GLDC: variants seen among roughly 807,000 people sequenced by gnomAD.
GLDC encodes glycine decarboxylase, also known as glycine dehydrogenase (decarboxylating), mitochondrial.
Under a neutral mutation model 121.3 loss-of-function variants are expected in GLDC, and 104 were observed. That is an observed-to-expected ratio of 0.86 (90% CI 0.73 to 1.01). The LOEUF (loss-of-function observed/expected upper bound fraction) is 1.01, where lower values mean the gene tolerates loss of function less well. Ranked by LOEUF, GLDC falls within the 50% of genes least tolerant of loss-of-function variation. GLDC has a pLI of 0.00. For missense variants in GLDC, 1,429 were observed against 1,306.6 expected (o/e 1.09, Z -1.44); for synonymous variants, 546 against 480.6 (o/e 1.14, Z -1.78).
intron 1 of GLDC, 59 bp downstream of exon 1, chr9:6,645,186 C>T (rs529234979): frequency 1.3e-6 from 2 of 1,485,764 alleles, no homozygotes; most frequent in East Asian, 2.6e-5. Flanking sequence ...GGAGGCCGCG[C>T]AGGCAGAGCC....
chr9:6,595,172 G>A (rs970779043), intron 8 of GLDC, 53 bp from the exon 9 acceptor site: 1 of 1,149,340 alleles, frequency 8.7e-7, no homozygotes, highest in African/African-American at 1.5e-5. Flanking sequence ...ATTAGTGGGA[G>A]GGTGTAATTA....
At chr9:6,552,330 C>T (rs1348329814) in intron 20 of GLDC, among the ~76,000 whole-genome samples, 2 of 152,194 alleles carry the variant, frequency 1.3e-5, no homozygotes, top group Non-Finnish European at 2.9e-5. Context: ...GAAGTCATCT[C>T]CAACCCAAAT....
chr9:6,613,950 T>C (rs1253308849), intron 3 of GLDC, among the ~76,000 whole-genome samples: 1 of 152,128 alleles, frequency 6.6e-6, no homozygotes, highest in Non-Finnish European at 1.5e-5. Context: ...CTAAATTTTG[T>C]ATTTTTAGTT....
chr9:6,548,615 C>A (rs10975638), intron 21 of GLDC, among the ~76,000 whole-genome samples: 1 of 151,948 alleles, frequency 6.6e-6, no homozygotes, highest in African/African-American at 2.4e-5. Flanking sequence ...AGCTATAGAG[C>A]TACATTCCAC....
intron 3 of GLDC, among the ~76,000 whole-genome samples, chr9:6,618,190 T>C (rs116755248): frequency 0.031 from 4,660 of 152,336 alleles, 236 homozygotes; most frequent in African/African-American, 0.11. Flanking sequence ...TTAAGACTAA[T>C]TCATCATTTG....
Position 6,620,059 on chromosome 9 carries a change from A to T in GLDC, c.470+125T>A, listed in dbSNP as rs2118653. 3 of 920,082 alleles carry T rather than the reference A, an allele frequency of 3.3e-6. No homozygotes were observed. The East Asian group carries it at 7.2e-5, about 22-fold the overall frequency. 57.0% of individuals were successfully genotyped at this position (920,082 alleles called of 1,614,324 possible). On this transcript the variant is annotated intron_variant, in intron 3 of 24. Coordinates refer to ENST00000321612, the MANE Select transcript of GLDC (RefSeq NM_000170.3). ...AGAGAAACCCGGTAGGTTCCCGGAC[A>T]TTGGAGACAGCACTAGGAGGTGGGT... is the stretch of plus-strand genomic sequence containing the variant.
intron 8 of GLDC, among the ~76,000 whole-genome samples, chr9:6,598,941 G>A (rs1404174758): frequency 6.6e-6 from 1 of 152,186 alleles, no homozygotes; most frequent in Non-Finnish European, 1.5e-5. Context: ...AGCACTTTGG[G>A]AGGCCAAGGC....
chr9:6,584,692 T>C (rs940199705), intron 15 of GLDC, among the ~76,000 whole-genome samples: 2 of 152,254 alleles, frequency 1.3e-5, no homozygotes, highest in Non-Finnish European at 2.9e-5. Context: ...TCACAGCAGC[T>C]TCTGCTCATG....
At chr9:6,549,232 G>A (rs1021971938) in intron 21 of GLDC, among the ~76,000 whole-genome samples, 2 of 152,130 alleles carry the variant, frequency 1.3e-5, no homozygotes, top group East Asian at 1.9e-4. Context: ...GCGTCATCAC[G>A]TGCATTTGTC....
intron 15 of GLDC, among the ~76,000 whole-genome samples, chr9:6,580,283 T>G (rs1818148415): frequency 6.6e-6 from 1 of 152,188 alleles, no homozygotes; most frequent in African/African-American, 2.4e-5. Context: ...CCTGTTCTGT[T>G]GATAACAAAA....
chr9:6,559,642 C>T (rs1817709806), intron 16 of GLDC, among the ~76,000 whole-genome samples: 2 of 151,316 alleles, frequency 1.3e-5, no homozygotes, highest in Admixed American at 6.6e-5. Flanking sequence ...TGGCGAAATG[C>T]TGTCTCTATT....
intron 8 of GLDC, among the ~76,000 whole-genome samples, chr9:6,599,907 A>G (rs1361728436): frequency 6.6e-6 from 1 of 152,114 alleles, no homozygotes; most frequent in Admixed American, 6.5e-5. Context: ...AATGGCTCCA[A>G]AGACCCGTGG....
In GLDC at chr9:6,575,849, T is replaced by C. The variant is rs142635551; in HGVS notation, c.1851-10420A>G. Among the ~76,000 whole-genome samples the C allele has an allele frequency of 3.3e-5, 5 of 152,172 alleles. No homozygotes were observed. In the Middle Eastern group the frequency reaches 0.01, roughly 311 times the overall value. On this transcript the variant is annotated intron_variant, in intron 15 of 24. Coordinates refer to ENST00000321612, the MANE Select transcript of GLDC (RefSeq NM_000170.3). ...ATGAGCTGCTGAATGATTTGAAGAG[T>C]GGCAAAGTGTTATGGAGAAAAAGCT...
In GLDC at chr9:6,533,234, G is replaced by A. The variant is rs1282339468; in HGVS notation, c.2920-74C>T. On this transcript the variant is annotated intron_variant, in intron 24 of 24. Transcript: ENST00000321612. ...CTCTTAGGGCAAAGGAGGTGGCAAT[G>A]CTAGTCCCACAACCTAAGACACCAT... The A allele has an allele frequency of 6.4e-6, 8 of 1,258,456 alleles. No individual in the cohort carries two copies. The East Asian group carries it at 1.9e-4, about 29-fold the overall frequency. The allele number at this position is 1,258,456 out of a possible 1,614,324, so 78.0% of individuals were successfully genotyped here.
At chr9:6,548,061 C>T (rs750389657) in intron 21 of GLDC, among the ~76,000 whole-genome samples, 1 of 152,058 alleles carries the variant, frequency 6.6e-6, no homozygotes, top group African/African-American at 2.4e-5. Context: ...ATGACTTGAG[C>T]CCAGGAGCTG....
At chr9:6,553,567 G>T in intron 19 of GLDC, 58 bp from the exon 20 acceptor site, 2 of 1,548,818 alleles carry the variant, frequency 1.3e-6, no homozygotes, top group Non-Finnish European at 8.9e-7. Flanking sequence ...TAATCTAATG[G>T]GAAGGTTCTG....
At chr9:6,603,241 A>AT (rs1818654989) in intron 7 of GLDC, among the ~76,000 whole-genome samples, 2 of 151,804 alleles carry the variant, frequency 1.3e-5, no homozygotes, top group South Asian at 4.2e-4. Flanking sequence ...AAATAAAAAA[A>AT]AAAAAACAAA....
intron 15 of GLDC, among the ~76,000 whole-genome samples, chr9:6,579,686 T>TTGCA (rs142922716): frequency 0.015 from 2,291 of 152,302 alleles, 46 homozygotes; most frequent in African/African-American, 0.052. Context: ...ATGGTTTTAG[T>TTGCA]TGCAGAATGT....
At chr9:6,540,278 C>G (rs1390451291) in intron 21 of GLDC, 132 bp from the exon 22 acceptor site, 10 of 710,480 alleles carry the variant, frequency 1.4e-5, no homozygotes, top group Non-Finnish European at 2.6e-5. Flanking sequence ...AAGCCATGGG[C>G]ACCGGGTAAG....
Sources: allele counts gnomAD v4.1 joint callset (sites outside exome capture counted in the v4.1 genomes callset), GRCh38; gene constraint gnomAD v4.1.1; transcripts MANE v1.5; gene names NCBI Gene and HGNC (gene_info 2026-07-23, HGNC 2026-07-21).